Variants in HPSE2 observed in about 807,000 individuals in gnomAD.
HPSE2 encodes the protein heparanase 2 (inactive), also known as inactive heparanase-2.
A neutral mutation model predicts 60.5 loss-of-function variants in HPSE2; 38 were observed. That is an observed-to-expected ratio of 0.63 (90% CI 0.48 to 0.82). The LOEUF (loss-of-function observed/expected upper bound fraction) is 0.82, where lower values mean the gene tolerates loss of function less well. Among genes scored for constraint, HPSE2 ranks in the 40% least tolerant of loss-of-function variants. HPSE2 has a pLI of 0.00. For missense variants in HPSE2, 713 were observed against 740.4 expected (o/e 0.96, Z 0.43); for synonymous variants, 295 against 293.2 (o/e 1.01, Z -0.06).
chr10:98,989,424 C>A (rs1298876311), intron 3 of HPSE2, among the ~76,000 whole-genome samples: 3 of 149,886 alleles, frequency 2.0e-5, no homozygotes, highest in Admixed American at 6.8e-5. Flanking sequence ...CATGTTCTCA[C>A]TCATAGGTGG....
intron 3 of HPSE2, among the ~76,000 whole-genome samples, 198 bp from the exon 4 acceptor site, chr10:98,744,254 G>A (rs370556843): frequency 4.6e-5 from 7 of 152,292 alleles, no homozygotes; most frequent in South Asian, 4.1e-4. Flanking sequence ...AGGGCTGGGC[G>A]CGGTGGCTCA....
intron 2 of HPSE2, among the ~76,000 whole-genome samples, chr10:99,184,819 T>TATATATATATATAGAGAG (rs1554912295): frequency 1.5e-4 from 3 of 19,866 alleles, no homozygotes; most frequent in Non-Finnish European, 3.0e-4. Context: ...TATATATATA[T>TATATATATATATAGAGAG]AGAGAGAGAG....
chr10:98,658,617 T>C (rs1947140767), intron 6 of HPSE2, among the ~76,000 whole-genome samples: 2 of 152,070 alleles, frequency 1.3e-5, no homozygotes, highest in South Asian at 4.1e-4. Flanking sequence ...TACCCTAAGG[T>C]CATAAGAGTA....
intron 6 of HPSE2, among the ~76,000 whole-genome samples, chr10:98,664,339 A>C (rs1486102083): frequency 6.6e-6 from 1 of 152,150 alleles, no homozygotes; most frequent in East Asian, 1.9e-4. Flanking sequence ...ATGGGGTGAG[A>C]TGCCTGGGTT....
At chr10:98,496,126 G>T (rs1941830323) in intron 9 of HPSE2, among the ~76,000 whole-genome samples, 1 of 151,996 alleles carries the variant, frequency 6.6e-6, no homozygotes, top group Admixed American at 6.6e-5. Context: ...CCAAGGATCA[G>T]CCTGAGGTAC....
At position 99,148,506 on chromosome 10, in the gene HPSE2, A is replaced by T. The variant is rs1308555661; in HGVS notation, c.449-4107T>A. Among the ~76,000 whole-genome samples the T allele has an allele frequency of 4.6e-5, 7 of 152,236 alleles. No homozygotes were observed. In the South Asian group the frequency reaches 6.2e-4, roughly 14 times the overall value. On this transcript the variant is annotated intron_variant, in intron 2 of 11. Coordinates refer to ENST00000370552, the MANE Select transcript of HPSE2 (RefSeq NM_021828.5). ...ATGTTGATCTTTTAAAATAGCTGAA[A>T]CTGGCCGGGTGCAGTAGCTCACGCC...
intron 2 of HPSE2, among the ~76,000 whole-genome samples, chr10:99,149,676 G>A (rs1846186778): frequency 6.6e-6 from 1 of 152,064 alleles, no homozygotes; most frequent in Admixed American, 6.5e-5. Flanking sequence ...TATTATTGGA[G>A]GATAGTATTA....
At chr10:99,230,487 C>T (rs1849607682) in intron 2 of HPSE2, among the ~76,000 whole-genome samples, 2 of 151,774 alleles carry the variant, frequency 1.3e-5, no homozygotes, top group African/African-American at 4.8e-5. Flanking sequence ...TGGCCCCTAA[C>T]GTGATAGAGG....
intron 3 of HPSE2, among the ~76,000 whole-genome samples, chr10:98,946,486 A>G (rs1185299603): frequency 6.6e-6 from 1 of 151,928 alleles, no homozygotes; most frequent in Non-Finnish European, 1.5e-5. Context: ...AAAAAAAAAA[A>G]AACAGAAAAG....
the HPSE2 span, among the ~76,000 whole-genome samples, chr10:99,315,510 G>A: frequency 2.0e-5 from 3 of 152,160 alleles, no homozygotes; most frequent in Non-Finnish European, 4.4e-5. Context: ...AAGCAGTCAG[G>A]GGAGAGGTGA....
At chr10:98,979,467 T>C (rs1956160098) in intron 3 of HPSE2, among the ~76,000 whole-genome samples, 1 of 152,222 alleles carries the variant, frequency 6.6e-6, no homozygotes, top group Non-Finnish European at 1.5e-5. Flanking sequence ...AAGAAATTTA[T>C]AGTCACATTA....
intron 2 of HPSE2, among the ~76,000 whole-genome samples, chr10:99,219,361 A>G (rs1466405330): frequency 6.6e-6 from 1 of 152,126 alleles, no homozygotes; most frequent in East Asian, 1.9e-4. Context: ...CCTCTTCAGG[A>G]GTCTGTCAAT....
At chr10:98,841,364 A>G (rs769812293) in intron 3 of HPSE2, among the ~76,000 whole-genome samples, 4 of 152,198 alleles carry the variant, frequency 2.6e-5, no homozygotes, top group Non-Finnish European at 5.9e-5. Context: ...AGAGGCCACT[A>G]TTATCCCAGT....
intron 3 of HPSE2, among the ~76,000 whole-genome samples, chr10:99,082,234 C>A (rs902725255): frequency 2.0e-5 from 3 of 152,104 alleles, no homozygotes; most frequent in Non-Finnish European, 4.4e-5. Context: ...CTAAACCGAT[C>A]AGAAAAAACA....
At chr10:99,080,824 G>GT (rs907053948) in intron 3 of HPSE2, among the ~76,000 whole-genome samples, 17 of 151,878 alleles carry the variant, frequency 1.1e-4, no homozygotes, top group Non-Finnish European at 1.8e-4. Context: ...ATACAATGAG[G>GT]TTTTTTTTCA....
intron 6 of HPSE2, among the ~76,000 whole-genome samples, chr10:98,693,057 G>A (rs1388557905): frequency 2.0e-5 from 3 of 152,188 alleles, no homozygotes; most frequent in Non-Finnish European, 4.4e-5. Flanking sequence ...GAGTACATAC[G>A]CTAGGCAGGA....
At chr10:98,993,712 T>C (rs1956579462) in intron 3 of HPSE2, among the ~76,000 whole-genome samples, 1 of 152,226 alleles carries the variant, frequency 6.6e-6, no homozygotes. Context: ...GATACTTTAA[T>C]GGATTGGTTA....
intron 6 of HPSE2, among the ~76,000 whole-genome samples, chr10:98,666,553 A>C (rs2134100449): frequency 6.6e-6 from 1 of 152,356 alleles, no homozygotes; most frequent in South Asian, 2.1e-4. Flanking sequence ...GTCTCAATAA[A>C]TTTAAAAAAA....
chr10:98,694,704 C>T (rs1215218954), intron 5 of HPSE2, among the ~76,000 whole-genome samples: 2 of 152,200 alleles, frequency 1.3e-5, no homozygotes, highest in Non-Finnish European at 2.9e-5. Flanking sequence ...AAAGATGACA[C>T]AGGGTCTCTC....
Sources: allele counts gnomAD v4.1 joint callset (sites outside exome capture counted in the v4.1 genomes callset), GRCh38; gene constraint gnomAD v4.1.1; transcripts MANE v1.5; gene names NCBI Gene and HGNC (gene_info 2026-07-23, HGNC 2026-07-21).